Variants in TACSTD2 observed in about 807,000 individuals in gnomAD.
TACSTD2 encodes tumor-associated calcium signal transducer 2.
A neutral mutation model predicts 7.9 loss-of-function variants in TACSTD2; 6 were observed. The ratio of observed to expected loss-of-function variants is 0.76; its 90% CI spans 0.42 to 1.50. The LOEUF (loss-of-function observed/expected upper bound fraction) is 1.50, where lower values mean the gene tolerates loss of function less well. Among genes scored for constraint, TACSTD2 ranks in the 40% most tolerant of loss-of-function variants. The pLI is 0.01. For missense variants in TACSTD2, 511 were observed against 471.2 expected (o/e 1.08, Z -0.78); for synonymous variants, 220 against 225.5 (o/e 0.98, Z 0.22).
At position 58,575,830 on chromosome 1, in the gene TACSTD2, A is replaced by AT. The variant is rs1553128255; in HGVS notation, c.*354dup. On this transcript the variant is annotated 3_prime_UTR_variant, in exon 1 of 1. Coordinates refer to ENST00000371225, the MANE Select transcript of TACSTD2 (RefSeq NM_002353.3). Reference sequence around the variant, plus strand: ...ATCTAAACTCATTTAAGCCTTCACAATGTCGCAATGGATTCAGTTACTTGC... The same window carrying AT: ...ATCTAAACTCATTTAAGCCTTCACAATTGTCGCAATGGATTCAGTTACTTGC... The AT allele has an allele frequency of 7.6e-6, 2 of 261,650 alleles. No homozygotes were observed. The highest frequency in any genetic ancestry group is 1.5e-5 in the Non-Finnish European group (2 of 136,528). 16.2% of individuals were successfully genotyped at this position (261,650 alleles called of 1,614,324 possible). A position where few individuals can be genotyped will look rare whatever the true frequency, so the allele number is the denominator to read the frequency against.
rs1035023467 is a variant in TACSTD2 at position 58,575,995 on chromosome 1, G to A, written c.*190C>T. The A allele has an allele frequency of 8.7e-6, 6 of 692,788 alleles. No individual in the cohort carries two copies. The highest frequency in any genetic ancestry group is 1.4e-5 in the Non-Finnish European group (6 of 425,008). The allele number at this position is 692,788 out of a possible 1,614,324, so 42.9% of individuals were successfully genotyped here. Reference sequence around the variant, plus strand: ...TAGAAATGCTTCCTTCAAGACAGAAGTGAGAAAGAAAGGAGACCCTGAGGC... The same window carrying A: ...TAGAAATGCTTCCTTCAAGACAGAAATGAGAAAGAAAGGAGACCCTGAGGC... On this transcript the variant is annotated 3_prime_UTR_variant, in exon 1 of 1. Transcript: ENST00000371225.
Position 58,576,743 on chromosome 1 carries a change from C to T in TACSTD2, c.414G>A (p.Lys138=), listed in dbSNP as rs1646885834. 6.2e-7 allele frequency: 1 copy of T among 1,600,098 alleles called. No individual in the cohort carries two copies. The highest frequency in any genetic ancestry group is 1.1e-5 in the South Asian group (1 of 90,804). Residue 138 remains lysine, a synonymous_variant, in exon 1 of 1, where the codon AAG becomes AAA. Coordinates refer to ENST00000371225, the MANE Select transcript of TACSTD2 (RefSeq NM_002353.3). ...VNSVGVRRTD[K]GDLSLRCDEL... Reference sequence around the variant, plus strand: ...CATCGCAGCGTAGGCTCAGGTCGCCCTTGTCCGTGCGGCGCACGCCCACCG... The same window carrying T: ...CATCGCAGCGTAGGCTCAGGTCGCCTTTGTCCGTGCGGCGCACGCCCACCG...
rs1399816672 is a variant in TACSTD2, at chr1:58,576,644, G to T, written c.513C>A (p.Asp171Glu). ...RPTAGAFNHS[D>E]LDAELRRLFR... ...AGAGCCGCCTCAGCTCGGCGTCCAG[G>T]TCTGAGTGGTTGAAGGCGCCGGCGG... Residue 171 changes from aspartate (D) to glutamate (E), a missense_variant, in exon 1 of 1, where the codon GAC (aspartate) becomes GAA (glutamate). Transcript: ENST00000371225. The T allele has an allele frequency of 3.1e-6, 5 of 1,608,064 alleles. No homozygotes were observed. The African/African-American group carries it at 6.7e-5, about 21-fold the overall frequency.
rs1166540226 is a variant in TACSTD2 at position 58,577,100 on chromosome 1, C to T, written c.57G>A (p.Leu19=). The T allele has an allele frequency of 6.9e-7, 1 of 1,441,700 alleles. No homozygotes were observed. The highest frequency in any genetic ancestry group is 1.4e-5 in the South Asian group (1 of 70,098). 89.3% of individuals were successfully genotyped at this position (1,441,700 alleles called of 1,614,324 possible). A position where few individuals can be genotyped will look rare whatever the true frequency, so the allele number is the denominator to read the frequency against. The change falls in exon 1 of 1, where the codon CTG becomes CTA. Residue 19 remains leucine (L), a synonymous_variant. Coordinates refer to ENST00000371225, the MANE Select transcript of TACSTD2 (RefSeq NM_002353.3). ...TGTGGCCGGTCACCGCCGCCAGCAC[C>T]AGCAGCAGCAGCGGCAGCCGCAGCG... ...PPPLRLPLLL[L]VLAAVTGHTA...
chr1:58,576,851 G>A lies in TACSTD2; in HGVS notation c.306C>T (p.Gly102=), dbSNP rs150978732. ...CGGGGTCGCAGTCGGGGTCGTAGAG[G>A]CCATCGTTGTCCACGAGCGCGTGCT... ...PSEHALVDND[G]LYDPDCDPEG... Residue 102 remains glycine (G), a synonymous_variant, in exon 1 of 1, where the codon GGC becomes GGT. Transcript: ENST00000371225. 4.1e-5 allele frequency: 65 copies of A among 1,594,696 alleles called. No homozygotes were observed. The African/African-American group carries it at 5.5e-4, about 13-fold the overall frequency.
Position 58,576,432 on chromosome 1 carries a change from A to T in TACSTD2, c.725T>A (p.Leu242Gln), listed in dbSNP as rs1646881498. Residue 242 changes from leucine to glutamine, a missense_variant, in exon 1 of 1, where the codon CTG (leucine) becomes CAG (glutamine). By Grantham distance (113) the Leu-to-Gln change is moderately radical (BLOSUM62 -2). Coordinates refer to ENST00000371225, the MANE Select transcript of TACSTD2 (RefSeq NM_002353.3). Reference protein sequence around the residue: ...GESLFQGRGGLDLRVRGEPLQ... With the variant: ...GESLFQGRGGQDLRVRGEPLQ... Reference sequence around the variant, plus strand: ...GGGTTCTCCGCGCACGCGCAAGTCCAGGCCGCCGCGGCCCTGGAATAGAGA... The same window carrying T: ...GGGTTCTCCGCGCACGCGCAAGTCCTGGCCGCCGCGGCCCTGGAATAGAGA... 4.3e-6 allele frequency: 7 copies of T among 1,613,846 alleles called. No individual in the cohort carries two copies. The highest frequency in any genetic ancestry group is 5.9e-6 in the Non-Finnish European group (7 of 1,179,904).
rs1332033725 is a variant in TACSTD2 at position 58,576,175 on chromosome 1, C to T, written c.*10G>A. The T allele has an allele frequency of 1.2e-6, 2 of 1,613,162 alleles. No homozygotes were observed. The highest frequency in any genetic ancestry group is 1.7e-6 in the Non-Finnish European group (2 of 1,179,750). ...CGGTACCCCACCCCATCCCCTGCCC[C>T]GCCGGGTACCTACAAGCTCGGTTCC... is the stretch of plus-strand genomic sequence containing the variant. On this transcript the variant is annotated 3_prime_UTR_variant, in exon 1 of 1. Transcript: ENST00000371225.
rs9583 is a variant in TACSTD2 at position 58,575,764 on chromosome 1, T to C, written c.*421A>G. 0.11 allele frequency: 20,641 copies of C among 186,476 alleles called. 1,425 individuals carry two copies. Among genetic ancestry groups the C allele is most frequent in the African/African-American group, 0.19 (7,891 of 41,902 alleles). 11.6% of individuals were successfully genotyped at this position (186,476 alleles called of 1,614,324 possible). On this transcript the variant is annotated 3_prime_UTR_variant, in exon 1 of 1. Coordinates refer to ENST00000371225, the MANE Select transcript of TACSTD2 (RefSeq NM_002353.3). ...TAGGCCATGATACAAGTGGAACTCA[T>C]CAAATAATTTAAACCCAAGGCGATA...
chr1:58,576,519 G>C lies in TACSTD2; in HGVS notation c.638C>G (p.Ala213Gly). 1 of 1,612,308 alleles carries C rather than the reference G, an allele frequency of 6.2e-7. No individual in the cohort carries two copies. The highest frequency in any genetic ancestry group is 8.5e-7 in the Non-Finnish European group (1 of 1,179,472). The change falls in exon 1 of 1, where the codon GCC becomes GGC. Residue 213 changes from alanine (A) to glycine (G), a missense_variant. By Grantham distance (60) the Ala-to-Gly change is moderately conservative. Coordinates refer to ENST00000371225, the MANE Select transcript of TACSTD2 (RefSeq NM_002353.3). The part of the protein sequence containing the change: ...IELRQNTSQK[A>G]AGDVDIGDAA... ...ATCGCCGATATCCACGTCACCGGCG[G>C]CCTTCTGAGACGTGTTCTGCCGCAG...
At position 58,577,142 on chromosome 1, in the gene TACSTD2, G is replaced by C. The variant is rs1646891154; in HGVS notation, c.15C>G (p.Pro5=). The C allele has an allele frequency of 1.4e-6, 2 of 1,385,470 alleles. No individual in the cohort carries two copies. The highest frequency in any genetic ancestry group is 1.8e-6 in the Non-Finnish European group (2 of 1,081,322). The allele number at this position is 1,385,470 out of a possible 1,614,324, so 85.8% of individuals were successfully genotyped here. A position where few individuals can be genotyped will look rare whatever the true frequency, so the allele number is the denominator to read the frequency against. The change falls in exon 1 of 1, where the codon CCC becomes CCG. Residue 5 remains proline (P), a synonymous_variant. Transcript: ENST00000371225. ...GCCGCAGCGGTGGCGGCGCGAGGCC[G>C]GGGCCCCGAGCCATGGTGGGGCGGA... MARG[P]GLAPPPLRLP...
In TACSTD2 at chr1:58,576,100, C is replaced by T; in HGVS notation, c.*85G>A. On this transcript the variant is annotated 3_prime_UTR_variant, in exon 1 of 1. Coordinates refer to ENST00000371225, the MANE Select transcript of TACSTD2 (RefSeq NM_002353.3). ...GAAAGGATAAACGTCTCCTTTGCGC[C>T]GAGGAATCAGGAAGCGTGACTCACT... is the stretch of plus-strand genomic sequence containing the variant. The T allele has an allele frequency of 6.6e-7, 1 of 1,510,632 alleles. No individual in the cohort carries two copies. Among genetic ancestry groups the T allele is most frequent in the South Asian group, 1.3e-5 (1 of 78,590 alleles). 93.6% of individuals were successfully genotyped at this position (1,510,632 alleles called of 1,614,324 possible). A position where few individuals can be genotyped will look rare whatever the true frequency, so the allele number is the denominator to read the frequency against.
chr1:58,575,949 G>C lies in TACSTD2; in HGVS notation c.*236C>G, dbSNP rs1646876980. On this transcript the variant is annotated 3_prime_UTR_variant, in exon 1 of 1. Transcript: ENST00000371225. ...TGCCCCAGTCAGGTTTCCTGTTGTT[G>C]GACCGAAAGGGGATACATTTTAGAA... 1.2e-5 allele frequency: 7 copies of C among 568,722 alleles called. No individual in the cohort carries two copies. Among genetic ancestry groups the C allele is most frequent in the Non-Finnish European group, 2.1e-5 (7 of 327,958 alleles). 35.2% of individuals were successfully genotyped at this position (568,722 alleles called of 1,614,324 possible).
In TACSTD2 at chr1:58,577,179, C is replaced by T. The variant is rs574740006; in HGVS notation, c.-23G>A. 75 of 1,342,952 alleles carry T rather than the reference C, an allele frequency of 5.6e-5. No homozygotes were observed. In the Middle Eastern group the frequency reaches 1.1e-3, roughly 20 times the overall value. The allele number at this position is 1,342,952 out of a possible 1,614,324, so 83.2% of individuals were successfully genotyped here. A position where few individuals can be genotyped will look rare whatever the true frequency, so the allele number is the denominator to read the frequency against. On this transcript the variant is annotated 5_prime_UTR_variant, in exon 1 of 1. Transcript: ENST00000371225. ...CATGGTGGGGCGGAGGAACGCGGAC[C>T]GGACGCGGGCGGATGAGGCGCGGGG...
chr1:58,576,283 T>C lies in TACSTD2; in HGVS notation c.874A>G (p.Met292Val). The change falls in exon 1 of 1, where the codon ATG becomes GTG. Residue 292 changes from methionine to valine, a missense_variant. Coordinates refer to ENST00000371225, the MANE Select transcript of TACSTD2 (RefSeq NM_002353.3). ...VVVVVALVAG[M>V]AVLVITNRRK... ...CGGTTGGTGATCACCAGGACGGCCA[T>C]GCCGGCGACGAGGGCCACCACGACC... 2 of 1,613,682 alleles carry C rather than the reference T, an allele frequency of 1.2e-6. No homozygotes were observed. Among genetic ancestry groups the C allele is most frequent in the Admixed American group, 1.7e-5 (1 of 59,992 alleles).
rs765023062 is a variant in TACSTD2 at position 58,575,868 on chromosome 1, G to C, written c.*317C>G. 3 of 336,038 alleles carry C rather than the reference G, an allele frequency of 8.9e-6. No individual in the cohort carries two copies. The highest frequency in any genetic ancestry group is 1.6e-5 in the Non-Finnish European group (3 of 182,902). 20.8% of individuals were successfully genotyped at this position (336,038 alleles called of 1,614,324 possible). Reference sequence around the variant, plus strand: ...TTCAGTTACTTGCAAACGATCCCGGGTTGTCATACAGATACTTGTTTTTTA... The same window carrying C: ...TTCAGTTACTTGCAAACGATCCCGGCTTGTCATACAGATACTTGTTTTTTA... On this transcript the variant is annotated 3_prime_UTR_variant, in exon 1 of 1. Coordinates refer to ENST00000371225, the MANE Select transcript of TACSTD2 (RefSeq NM_002353.3).
Position 58,576,541 on chromosome 1 carries a change from G to T in TACSTD2, c.616C>A (p.Arg206=). Residue 206 remains arginine, a synonymous_variant, in exon 1 of 1, where the codon CGG becomes AGG. Transcript: ENST00000371225. ...YEQPTIQIEL[R]QNTSQKAAGD... ...GCGGCCTTCTGAGACGTGTTCTGCC[G>T]CAGCTCGATCTGGATGGTGGGCTGC... The T allele has an allele frequency of 6.2e-7, 1 of 1,612,120 alleles. No homozygotes were observed. The highest frequency in any genetic ancestry group is 1.7e-4 in the Middle Eastern group (1 of 6,054).
rs759494358 is a variant in TACSTD2 at position 58,576,226 on chromosome 1, T to G, written c.931A>C (p.Ile311Leu). The change falls in exon 1 of 1, where the codon ATC (isoleucine) becomes CTC (leucine). Residue 311 changes from isoleucine (I) to leucine (L), a missense_variant. Ile to Leu is a conservative substitution (Grantham distance 5, BLOSUM62 2). Coordinates refer to ENST00000371225, the MANE Select transcript of TACSTD2 (RefSeq NM_002353.3). ...TTTCTCAACTCCCCCAGTTCCTTGA[T>G]CTCCACCTTCTTGTACTTCCCCGAC... is the stretch of plus-strand genomic sequence containing the variant. ...RKSGKYKKVE[I>L]KELGELRKEP... 6.2e-7 allele frequency: 1 copy of G among 1,614,102 alleles called. No homozygotes were observed. The highest frequency in any genetic ancestry group is 1.1e-5 in the South Asian group (1 of 91,076).
rs14008 is a variant in TACSTD2 at position 58,576,509 on chromosome 1, G to T, written c.648C>A (p.Asp216Glu). ...RQNTSQKAAG[D>E]VDIGDAAYYF... ...AGTAGGCGGCATCGCCGATATCCACGTCACCGGCGGCCTTCTGAGACGTGT... is the reference window on the plus strand; with the variant it reads ...AGTAGGCGGCATCGCCGATATCCACTTCACCGGCGGCCTTCTGAGACGTGT... The change falls in exon 1 of 1, where the codon GAC becomes GAA. Residue 216 changes from aspartate (D) to glutamate (E), a missense_variant. Physicochemically the swap from Asp to Glu is conservative, Grantham distance 45 (BLOSUM62 2). Transcript: ENST00000371225. 0.084 allele frequency: 134,772 copies of T among 1,612,390 alleles called. 8,468 individuals are homozygous for T. The highest frequency in any genetic ancestry group is 0.33 in the African/African-American group (24,669 of 74,974).
In TACSTD2 at chr1:58,576,150, C is replaced by G; in HGVS notation, c.*35G>C. On this transcript the variant is annotated 3_prime_UTR_variant, in exon 1 of 1. Transcript: ENST00000371225. Reference sequence around the variant, plus strand: ...TTGGGTCTGGGACGATACCGAAATCCGGTACCCCACCCCATCCCCTGCCCC... The same window carrying G: ...TTGGGTCTGGGACGATACCGAAATCGGGTACCCCACCCCATCCCCTGCCCC... 6.2e-7 allele frequency: 1 copy of G among 1,605,810 alleles called. No homozygotes were observed. The highest frequency in any genetic ancestry group is 1.7e-5 in the Admixed American group (1 of 59,224).
Sources: allele counts gnomAD v4.1 joint callset, GRCh38; gene constraint gnomAD v4.1.1; transcripts MANE v1.5; gene names NCBI Gene and HGNC (gene_info 2026-07-23, HGNC 2026-07-21).